The following SPECC1 variants were observed in gnomAD, a reference collection of about 807,000 sequenced individuals.
SPECC1 encodes the protein sperm antigen with calponin homology and coiled-coil domains 1, also known as cytospin-B.
SPECC1 carries 62 observed loss-of-function variants against 104.1 expected under a neutral mutation model. The observed-to-expected ratio is 0.60, with a 90% CI of 0.49 to 0.74. SPECC1 has a LOEUF of 0.74. Among genes scored for constraint, SPECC1 ranks in the 30% least tolerant of loss-of-function variants. The probability of loss-of-function intolerance (pLI) is 0.00; values close to 1 mark genes in which losing one functional copy is unlikely to be tolerated. For missense variants in SPECC1, 1,306 were observed against 1,310.5 expected (o/e 1.00, Z 0.05); for synonymous variants, 513 against 501.6 (o/e 1.02, Z -0.30).
chr17:20,255,385 A>G (rs902729829), intron 10 of SPECC1, among the ~76,000 whole-genome samples: 3 of 152,214 alleles, frequency 2.0e-5, no homozygotes, highest in Non-Finnish European at 4.4e-5. Flanking sequence ...CAAAAGAGGG[A>G]ATAATTTGAT....
At chr17:20,105,566 G>A (rs897661871) in intron 2 of SPECC1, among the ~76,000 whole-genome samples, 2 of 152,046 alleles carry the variant, frequency 1.3e-5, no homozygotes, top group Non-Finnish European at 2.9e-5. Flanking sequence ...CAAACCCTGC[G>A]ATGCAGCACT....
chr17:20,147,003 A>G (rs1180788293), intron 3 of SPECC1, among the ~76,000 whole-genome samples: 2 of 152,052 alleles, frequency 1.3e-5, no homozygotes, highest in East Asian at 1.9e-4. Flanking sequence ...CTGTTGTTCT[A>G]CATCCTTGCC....
At chr17:20,123,173 C>T (rs373309742) in intron 3 of SPECC1, among the ~76,000 whole-genome samples, 40 of 152,286 alleles carry the variant, frequency 2.6e-4, no homozygotes, top group African/African-American at 8.9e-4. Flanking sequence ...GTTCATGTAG[C>T]CACATTTAAA....
At chr17:20,094,059 T>C (rs906316628) in intron 1 of SPECC1, among the ~76,000 whole-genome samples, 1 of 151,698 alleles carries the variant, frequency 6.6e-6, no homozygotes, top group Admixed American at 6.6e-5. Flanking sequence ...GAGAAGAAGA[T>C]GGGATTTGAG....
chr17:20,270,843 G>T (rs1261427700), intron 12 of SPECC1, among the ~76,000 whole-genome samples: 1 of 152,164 alleles, frequency 6.6e-6, no homozygotes, highest in Non-Finnish European at 1.5e-5. Context: ...CAGTGTACAA[G>T]ATTATACATT....
chr17:20,088,166 A>G (rs1264518309), intron 1 of SPECC1, among the ~76,000 whole-genome samples: 3 of 152,178 alleles, frequency 2.0e-5, no homozygotes, highest in African/African-American at 7.2e-5. Flanking sequence ...TTCACTCCCA[A>G]TGCAGTGAGA....
At chr17:20,115,298 AC>A (rs1427983659) in intron 3 of SPECC1, among the ~76,000 whole-genome samples, 2 of 151,994 alleles carry the variant, frequency 1.3e-5, no homozygotes, top group South Asian at 2.1e-4. Context: ...CATGGTGAAA[AC>A]CCATCTCTAC....
intron 3 of SPECC1, among the ~76,000 whole-genome samples, chr17:20,190,432 C>T (rs1024607227): frequency 6.6e-6 from 1 of 151,954 alleles, no homozygotes; most frequent in Non-Finnish European, 1.5e-5. Flanking sequence ...CATTTCTTGT[C>T]CCTCTTCTCA....
chr17:20,278,627 A>G (rs3850782), intron 12 of SPECC1, among the ~76,000 whole-genome samples: 4 of 151,602 alleles, frequency 2.6e-5, no homozygotes, highest in Non-Finnish European at 1.5e-5. Flanking sequence ...TCACTTGAGT[A>G]TAGAAGTTTG....
intron 1 of SPECC1, among the ~76,000 whole-genome samples, chr17:20,038,163 A>G (rs961589436): frequency 2.0e-5 from 3 of 151,972 alleles, no homozygotes; most frequent in Non-Finnish European, 4.4e-5. Context: ...CTTTCGAAGA[A>G]TCAGTACTTT....
chr17:20,053,623 T>C (rs1417861468), intron 1 of SPECC1, among the ~76,000 whole-genome samples: 1 of 152,180 alleles, frequency 6.6e-6, no homozygotes, highest in Non-Finnish European at 1.5e-5. Context: ...GGGAGGATGT[T>C]CCAGCAATGC....
intron 8 of SPECC1, among the ~76,000 whole-genome samples, chr17:20,246,433 C>T (rs1052402879): frequency 6.6e-6 from 1 of 152,218 alleles, no homozygotes. Flanking sequence ...GAGACTTCAT[C>T]TCCTAGGAAA....
At chr17:20,137,782 C>A (rs775115915) in intron 3 of SPECC1, among the ~76,000 whole-genome samples, 18 of 151,870 alleles carry the variant, frequency 1.2e-4, no homozygotes, top group Non-Finnish European at 2.2e-4. Context: ...TCTCATACCT[C>A]AGCCTCCTGA....
intron 3 of SPECC1, among the ~76,000 whole-genome samples, chr17:20,173,035 A>G (rs1308255861): frequency 6.6e-6 from 1 of 152,156 alleles, no homozygotes; most frequent in African/African-American, 2.4e-5. Context: ...ATCCCTTCCA[A>G]TTTTTAGAAG....
At chr17:20,030,219 C>T (rs765498555) in intron 1 of SPECC1, among the ~76,000 whole-genome samples, 1 of 151,658 alleles carries the variant, frequency 6.6e-6, no homozygotes, top group African/African-American at 2.4e-5. Context: ...ATGTGAGTTA[C>T]TTTTTAGTAT....
intron 1 of SPECC1, among the ~76,000 whole-genome samples, chr17:20,016,141 C>A (rs2044116302): frequency 6.6e-6 from 1 of 150,762 alleles, no homozygotes; most frequent in Non-Finnish European, 1.5e-5. Context: ...TGGTGTGAAC[C>A]CGGGAGGCGG....
At chr17:20,070,140 G>GTA (rs2046496298) in intron 1 of SPECC1, among the ~76,000 whole-genome samples, 1 of 151,976 alleles carries the variant, frequency 6.6e-6, no homozygotes, top group Admixed American at 6.6e-5. Context: ...AAAACCTCTG[G>GTA]TATAATGTTG....
chr17:20,286,821 C>T (rs952645384), intron 12 of SPECC1, among the ~76,000 whole-genome samples: 27 of 152,340 alleles, frequency 1.8e-4, no homozygotes, highest in African/African-American at 6.3e-4. Context: ...GGATGCTTTT[C>T]CAGTCCAGGA....
At chr17:20,094,387 A>AAGAG (rs1336455157) in intron 1 of SPECC1, among the ~76,000 whole-genome samples, 1 of 152,188 alleles carries the variant, frequency 6.6e-6, no homozygotes, top group Non-Finnish European at 1.5e-5. Context: ...GCCAGAGATT[A>AAGAG]AGAGAGAAGT....
Sources: allele counts gnomAD v4.1 joint callset (sites outside exome capture counted in the v4.1 genomes callset), GRCh38; gene constraint gnomAD v4.1.1; transcripts MANE v1.5; gene names NCBI Gene and HGNC (gene_info 2026-07-23, HGNC 2026-07-21).